Variants in BCAS1 observed in about 807,000 individuals in gnomAD.
BCAS1 encodes the protein breast carcinoma-amplified sequence 1.
BCAS1 carries 46 observed loss-of-function variants against 65.4 expected under a neutral mutation model. That is an observed-to-expected ratio of 0.70 (90% confidence interval 0.55 to 0.90). The LOEUF (loss-of-function observed/expected upper bound fraction) is 0.90. Among genes scored for constraint, BCAS1 ranks in the 40% least tolerant of loss-of-function variants. BCAS1 has a pLI of 0.00. For missense variants in BCAS1, 793 were observed against 771.2 expected, an observed-to-expected ratio of 1.03 and a Z score of -0.33; for synonymous variants, 298 against 293.5, an observed-to-expected ratio of 1.02 and a Z score of -0.16.
intron 3 of BCAS1, among the ~76,000 whole-genome samples, chr20:54,053,013 A>C (rs6127072): frequency 0.17 from 25,864 of 152,180 alleles, 2,349 homozygotes; most frequent in East Asian, 0.36. Context: ...AATTTAAACA[A>C]TTGCATTTTG....
chr20:53,961,185 C>A (rs1432697899), intron 10 of BCAS1, among the ~76,000 whole-genome samples: 8 of 152,150 alleles, frequency 5.3e-5, no homozygotes, highest in Admixed American at 4.6e-4. Flanking sequence ...CTTAGCTATT[C>A]AAAAATCTAG....
At chr20:53,964,347 A>G (rs910717324) in intron 10 of BCAS1, among the ~76,000 whole-genome samples, 45 of 152,236 alleles carry the variant, frequency 3.0e-4, no homozygotes, top group African/African-American at 1.1e-3. Flanking sequence ...TCATTTGTTT[A>G]TTTGAATTAA....
rs1210208559 is a variant in BCAS1 at position 53,995,872 on chromosome 20, A to G, written c.882+20T>C. ...TTTTGAGCAATAGAGTGGAGGGGAA[A>G]AGAGGAGAAAACTGCTTACCAGAGT... On this transcript the variant is annotated intron_variant, in intron 5 of 12. Transcript: ENST00000688948. 6.3e-7 allele frequency: 1 copy of G among 1,577,694 alleles called. No homozygotes were observed. Among genetic ancestry groups the G allele is most frequent in the Admixed American group, 1.8e-5 (1 of 54,624 alleles).
intron 10 of BCAS1, among the ~76,000 whole-genome samples, chr20:53,958,810 T>G (rs1285291364): frequency 6.6e-6 from 1 of 152,162 alleles, no homozygotes; most frequent in African/African-American, 2.4e-5. Flanking sequence ...TCAAAGATAC[T>G]AGCATCACCA....
chr20:53,979,492 G>A (rs544061451), intron 8 of BCAS1, among the ~76,000 whole-genome samples: 2 of 152,324 alleles, frequency 1.3e-5, no homozygotes, highest in South Asian at 4.1e-4. Flanking sequence ...TCCTTCCAGA[G>A]CTAAGCACAA....
intron 3 of BCAS1, among the ~76,000 whole-genome samples, chr20:54,032,622 G>C (rs1323715733): frequency 1.3e-5 from 2 of 151,244 alleles, no homozygotes; most frequent in African/African-American, 4.8e-5. Context: ...ATAAAGGGAT[G>C]GGGAAAAATC....
Position 54,058,245 on chromosome 20 carries a change from AC to A in BCAS1, c.73-92del, listed in dbSNP as rs560527255. 1.1e-3 allele frequency: 1,331 copies of A among 1,171,714 alleles called. 4 individuals are homozygous for A. The highest frequency in any genetic ancestry group is 2.1e-3 in the South Asian group (166 of 77,256). The allele number at this position is 1,171,714 out of a possible 1,614,324, so 72.6% of individuals were successfully genotyped here. A position where few individuals can be genotyped will look rare whatever the true frequency, so the allele number is the denominator to read the frequency against. ...AACCTCTAAGATACAAGGGTGTCTC[AC>A]AAAAAATTAAACTTAACTTAAAGGC... is the stretch of plus-strand genomic sequence containing the variant. On this transcript the variant is annotated intron_variant, in intron 2 of 12. Transcript: ENST00000688948.
rs776277655 is a variant in BCAS1 at position 53,944,947 on chromosome 20, A to C, written c.1865T>G (p.Ile622Ser). The change falls in exon 13 of 13, where the codon ATC becomes AGC. Residue 622 changes from isoleucine (I) to serine (S), a missense_variant. Physicochemically the swap from Ile to Ser is moderately radical, Grantham distance 142. Coordinates refer to ENST00000688948, the MANE Select transcript of BCAS1 (RefSeq NM_001366298.2). Reference protein sequence around the residue: ...DAQVQTDPVSIGPVGKSK With the variant: ...DAQVQTDPVSSGPVGKSK ...TTACTTGGATTTGCCAACTGGTCCGATGGATACTGGGTCTGTTTGCACTTG... is the reference window on the plus strand; with the variant it reads ...TTACTTGGATTTGCCAACTGGTCCGCTGGATACTGGGTCTGTTTGCACTTG... The C allele has an allele frequency of 6.2e-7, 1 of 1,614,096 alleles. No homozygotes were observed. The highest frequency in any genetic ancestry group is 1.7e-5 in the Admixed American group (1 of 60,016).
chr20:54,044,880 A>G (rs1412748386), intron 3 of BCAS1, among the ~76,000 whole-genome samples: 1 of 151,830 alleles, frequency 6.6e-6, no homozygotes, highest in Non-Finnish European at 1.5e-5. Flanking sequence ...TGTATTCCAA[A>G]TAACTTTTAA....
chr20:54,013,365 G>A (rs1392389319), intron 4 of BCAS1, among the ~76,000 whole-genome samples: 2 of 152,216 alleles, frequency 1.3e-5, no homozygotes, highest in African/African-American at 4.8e-5. Flanking sequence ...AGGCTTTTGT[G>A]TGTATGACTA....
chr20:53,999,659 T>G (rs1350183776), intron 4 of BCAS1, among the ~76,000 whole-genome samples: 1 of 152,132 alleles, frequency 6.6e-6, no homozygotes, highest in Non-Finnish European at 1.5e-5. Flanking sequence ...CCTCAGGACC[T>G]TTGCATCTGG....
chr20:53,950,876 A>G (rs1451360685), intron 12 of BCAS1, among the ~76,000 whole-genome samples: 1 of 41,512 alleles, frequency 2.4e-5, no homozygotes, highest in African/African-American at 1.1e-4. Context: ...GAAAGCAGCT[A>G]GACAACATGT....
intron 1 of BCAS1, among the ~76,000 whole-genome samples, chr20:54,059,636 A>G (rs981376680): frequency 2.0e-5 from 3 of 152,202 alleles, no homozygotes; most frequent in Non-Finnish European, 4.4e-5. Context: ...AGATGATTTC[A>G]TGGTTGTATG....
At chr20:53,972,307 A>G (rs2090200536) in intron 9 of BCAS1, among the ~76,000 whole-genome samples, 1 of 152,222 alleles carries the variant, frequency 6.6e-6, no homozygotes, top group African/African-American at 2.4e-5. Context: ...TCTGTTTTAC[A>G]CATTCCTTCA....
chr20:54,023,493 A>T (rs778633184), intron 4 of BCAS1, among the ~76,000 whole-genome samples: 1 of 152,264 alleles, frequency 6.6e-6, no homozygotes, highest in Non-Finnish European at 1.5e-5. Context: ...AGAGGGATTC[A>T]TGCTGTCCGA....
chr20:53,966,176 A>C (rs1167713257), intron 10 of BCAS1, among the ~76,000 whole-genome samples: 1 of 152,246 alleles, frequency 6.6e-6, no homozygotes, highest in Non-Finnish European at 1.5e-5. Context: ...ACACCTGCAC[A>C]CACAGGTTTA....
At chr20:53,953,834 TA>T (rs1204047472) in intron 11 of BCAS1, 139 bp from the exon 12 acceptor site, 30 of 1,020,178 alleles carry the variant, frequency 2.9e-5, no homozygotes, top group Non-Finnish European at 3.6e-5. Flanking sequence ...GAAATGAATA[TA>T]AAAAAAGGTA....
intron 10 of BCAS1, among the ~76,000 whole-genome samples, chr20:53,958,236 A>G (rs1231262297): frequency 6.6e-6 from 1 of 152,250 alleles, no homozygotes; most frequent in African/African-American, 2.4e-5. Context: ...CAAGTTGGCC[A>G]TATACAGGTT....
Position 54,008,114 on chromosome 20 carries a change from C to A in BCAS1, c.724-12064G>T, listed in dbSNP as rs145353316. ...ACTTTTAGACAATGACCATACTACT[C>A]CAGCCAAATACCACAGGACATTCTG... On this transcript the variant is annotated intron_variant, in intron 4 of 12. Coordinates refer to ENST00000688948, the MANE Select transcript of BCAS1 (RefSeq NM_001366298.2). Among the ~76,000 whole-genome samples the A allele has an allele frequency of 1.7e-3, 262 of 152,314 alleles. 1 individual carries two copies. The highest frequency in any genetic ancestry group is 6.1e-3 in the African/African-American group (253 of 41,572).
Sources: gnomAD v4.1 joint callset for allele counts (sites outside exome capture counted in the v4.1 genomes callset) on GRCh38, gnomAD v4.1.1 for gene constraint, MANE v1.5 for transcripts, NCBI Gene and HGNC (gene_info 2026-07-23, HGNC 2026-07-21) for gene names.